Variants in TPSG1 observed in about 807,000 individuals in gnomAD.
TPSG1 encodes tryptase gamma 1, also known as tryptase gamma.
In TPSG1, 43 loss-of-function variants were observed where a neutral mutation model predicts 23.8. That is an observed-to-expected ratio of 1.81 (90% CI 1.42 to 2.33). The LOEUF (loss-of-function observed/expected upper bound fraction) is 2.33. Ranked by LOEUF, TPSG1 falls within the 30% of genes most tolerant of loss-of-function variation. The probability of loss-of-function intolerance (pLI) is 0.00; values close to 1 mark genes in which losing one functional copy is unlikely to be tolerated. For synonymous variants in TPSG1, 302 were observed against 201.3 expected (o/e 1.50, Z -4.23); for missense variants, 623 against 438.6 (o/e 1.42, Z -3.75).
rs201683502 is a variant in TPSG1 at position 1,223,585 on chromosome 16, C to T, written c.83G>A (p.Arg28Gln). Residue 28 changes from arginine to glutamine, a missense_variant, in exon 3 of 6, where the codon CGG becomes CAG. By Grantham distance (43) the Arg-to-Gln change is conservative. Coordinates refer to ENST00000234798, the MANE Select transcript of TPSG1 (RefSeq NM_012467.4). ...SLRTLQPGCG[R>Q]PQVSDAGGRI... is the part of the protein sequence containing the mutation. ...GCCGCCTGCATCCGAAACCTGCGGC[C>T]GGCCACACCCTAAGTCGAAGGAGGA... 381 of 1,541,188 alleles carry T rather than the reference C, an allele frequency of 2.5e-4. 2 individuals are homozygous for T. In the African/African-American group the frequency reaches 3.3e-3, roughly 13 times the overall value.
At chr16:1,224,941 A>G (rs923309137) in intron 1 of TPSG1, among the ~76,000 whole-genome samples, 1 of 150,526 alleles carries the variant, frequency 6.6e-6, no homozygotes, top group Non-Finnish European at 1.5e-5. Flanking sequence ...GGCACCCCCA[A>G]CTCCCACCCG....
Position 1,224,613 on chromosome 16 carries a change from G to C in TPSG1, c.62C>G (p.Thr21Ser), listed in dbSNP as rs892620792. 1.2e-6 allele frequency: 2 copies of C among 1,613,772 alleles called. No individual in the cohort carries two copies. The highest frequency in any genetic ancestry group is 2.7e-5 in the African/African-American group (2 of 74,928). Residue 21 changes from threonine (T) to serine (S), a missense_variant, in exon 2 of 6, where the codon ACT becomes AGT. Physicochemically the swap from Thr to Ser is moderately conservative, Grantham distance 58 (BLOSUM62 1). Transcript: ENST00000234798. ...LLAVPGVSLR[T>S]LQPGCGRPQV... ...TGTCAGAGACGTACCTGGCTGCAAA[G>C]TCCTGAGGGACACACCTGTGGGAAA...
At chr16:1,222,981 C>A in intron 3 of TPSG1, 64 bp from the exon 4 acceptor site, 1 of 1,499,860 alleles carries the variant, frequency 6.7e-7, no homozygotes, top group Non-Finnish European at 9.0e-7. Context: ...GTGTCGGCCC[C>A]GCCCAGACCC....
Position 1,222,812 on chromosome 16 carries a change from TGA to T in TPSG1, c.349_350del (p.Ser117ArgfsTer35), listed in dbSNP as rs761407367. The T allele has an allele frequency of 3.1e-5, 50 of 1,611,968 alleles. No homozygotes were observed. The African/African-American group carries it at 6.5e-4, about 21-fold the overall frequency. On this transcript the variant is annotated frameshift_variant, in exon 4 of 6. Transcript: ENST00000234798. LOFTEE classifies it high-confidence loss of function. The part of the protein sequence containing the change: ...VRQIILHSSP[S>X]GQPGTSGDIA... ...TGTCCCCGCTGGTCCCCGGCTGTCC[TGA>T]GGGGCTGGAGTGCAGGATGATCTGC...
chr16:1,221,681 A>C lies in TPSG1; in HGVS notation c.*107T>G, dbSNP rs949766411. The C allele has an allele frequency of 1.7e-6, 2 of 1,159,612 alleles. No individual in the cohort carries two copies. 71.8% of individuals were successfully genotyped at this position (1,159,612 alleles called of 1,614,324 possible). ...TTCGTGTGCTTTTAAATTCAGGTTA[A>C]ATGTTGCAATAATCTGATGCAGAAG... is the stretch of plus-strand genomic sequence containing the variant. On this transcript the variant is annotated 3_prime_UTR_variant, in exon 6 of 6. Transcript: ENST00000234798.
chr16:1,223,049 C>T, intron 3 of TPSG1, 132 bp from the exon 4 acceptor site: 1 of 1,213,406 alleles, frequency 8.2e-7, no homozygotes, highest in South Asian at 1.6e-5. Flanking sequence ...ACGCAGAAAG[C>T]CTGGGCAGTG....
rs1337027512 is a variant in TPSG1 at position 1,225,219 on chromosome 16, G to A, written c.34C>T (p.Leu12=). 6.3e-7 allele frequency: 1 copy of A among 1,578,702 alleles called. No individual in the cohort carries two copies. The highest frequency in any genetic ancestry group is 1.2e-5 in the South Asian group (1 of 85,990). ...ALGACGLLLL[L]AVPGVSLRTL... is the part of the protein sequence containing the mutation. Reference sequence around the variant, plus strand: ...CCAGGTCACCCACCGGGCACAGCCAGGAGCAGCAGGAGGCCACAGGCCCCA... The same window carrying A: ...CCAGGTCACCCACCGGGCACAGCCAAGAGCAGCAGGAGGCCACAGGCCCCA... The change falls in exon 1 of 6, where the codon CTG becomes TTG. Residue 12 remains leucine, a synonymous_variant. Transcript: ENST00000234798.
rs552657290 is a variant in TPSG1 at position 1,224,128 on chromosome 16, G to A, written c.73+474C>T. The A allele has an allele frequency of 6.6e-5, 13 of 196,072 alleles. No homozygotes were observed. In the East Asian group the frequency reaches 2.0e-3, roughly 31 times the overall value. 12.1% of individuals were successfully genotyped at this position (196,072 alleles called of 1,614,324 possible). ...AGAAGAAATTAAGAGGAAGTCAGCT[G>A]GAGACCCACTGGCCACACCTGGGTC... On this transcript the variant is annotated intron_variant, in intron 2 of 5. Coordinates refer to ENST00000234798, the MANE Select transcript of TPSG1 (RefSeq NM_012467.4).
intron 1 of TPSG1, 86 bp from the exon 2 acceptor site, chr16:1,224,714 G>A (rs2030053980): frequency 1.3e-6 from 2 of 1,573,734 alleles, no homozygotes; most frequent in African/African-American, 1.3e-5. Flanking sequence ...CAGGCCTCAG[G>A]GCGGCACTGG....
In TPSG1 at chr16:1,221,857, G is replaced by C. The variant is rs1970503891; in HGVS notation, c.897C>G (p.Ser299=). ...FLPGLFLLLV[S]CVLLAKCLLH... Reference sequence around the variant, plus strand: ...GCAGGCACTTGGCCAGCAGGACACAGGAGACTAGCAGAAGGAAGAGGCCGG... The same window carrying C: ...GCAGGCACTTGGCCAGCAGGACACACGAGACTAGCAGAAGGAAGAGGCCGG... The change falls in exon 6 of 6, where the codon TCC becomes TCG. Residue 299 remains serine, a synonymous_variant. Transcript: ENST00000234798. 1 of 1,612,026 alleles carries C rather than the reference G, an allele frequency of 6.2e-7. No individual in the cohort carries two copies. Among genetic ancestry groups the C allele is most frequent in the Non-Finnish European group, 8.5e-7 (1 of 1,179,572 alleles).
In TPSG1 at chr16:1,222,787, TGTCCCCGCTG is replaced by T; in HGVS notation, c.366_375del (p.Gly124ProfsTer9). 1.2e-6 allele frequency: 2 copies of T among 1,612,302 alleles called. No individual in the cohort carries two copies. Among genetic ancestry groups the T allele is most frequent in the Non-Finnish European group, 1.7e-6 (2 of 1,179,818 alleles). On this transcript the variant is annotated frameshift_variant, in exon 4 of 6. Transcript: ENST00000234798. LOFTEE classifies it high-confidence loss of function. The stretch of plus-strand genomic sequence containing the variant: ...GGGACACTGAGCTCCACCAGGGCGA[TGTCCCCGCTG>T]GTCCCCGGCTGTCCTGAGGGGCTGG...
chr16:1,223,360 C>T lies in TPSG1; in HGVS notation c.245+63G>A, dbSNP rs74409026. 3,823 of 1,494,028 alleles carry T rather than the reference C, an allele frequency of 2.6e-3. 57 individuals carry two copies. The South Asian group carries it at 0.026, about 10-fold the overall frequency. 92.5% of individuals were successfully genotyped at this position (1,494,028 alleles called of 1,614,324 possible). A position where few individuals can be genotyped will look rare whatever the true frequency, so the allele number is the denominator to read the frequency against. ...AGTCAAGACCAAGTGGAGGCCTCTG[C>T]GCTGGCGCATGCCCCACTGGGGCCT... is the stretch of plus-strand genomic sequence containing the variant. On this transcript the variant is annotated intron_variant, in intron 3 of 5. Coordinates refer to ENST00000234798, the MANE Select transcript of TPSG1 (RefSeq NM_012467.4).
rs757659415 is a variant in TPSG1, at chr16:1,222,343, T to TG, written c.512-3dup. 5.1e-6 allele frequency: 8 copies of TG among 1,575,754 alleles called. No homozygotes were observed. The Admixed American group carries it at 1.4e-4, about 28-fold the overall frequency. ...GGCTGTACGGGGGTGGCAGAGGCTCTGGGGTGGGGGGAACAGGCTTCAGAG... is the reference window on the plus strand; with the variant it reads ...GGCTGTACGGGGGTGGCAGAGGCTCTGGGGGTGGGGGGAACAGGCTTCAGAG... On this transcript the variant is annotated splice_region_variant and splice_polypyrimidine_tract_variant and intron_variant, in intron 4 of 5. Transcript: ENST00000234798.
chr16:1,222,168 A>G (rs376089009), intron 5 of TPSG1, 28 bp downstream of exon 5: 1 of 1,611,538 alleles, frequency 6.2e-7, no homozygotes, highest in Non-Finnish European at 8.5e-7. Flanking sequence ...AGCCGCCCCC[A>G]TCCTCTGTCA....
Position 1,222,050 on chromosome 16 carries a change from A to G in TPSG1, c.704T>C (p.Val235Ala). 6.2e-7 allele frequency: 1 copy of G among 1,612,700 alleles called. No individual in the cohort carries two copies. The highest frequency in any genetic ancestry group is 8.5e-7 in the Non-Finnish European group (1 of 1,179,970). Residue 235 changes from valine (V) to alanine (A), a missense_variant, in exon 6 of 6, where the codon GTG (valine) becomes GCG (alanine). Physicochemically the swap from Val to Ala is moderately conservative, Grantham distance 64. Coordinates refer to ENST00000234798, the MANE Select transcript of TPSG1 (RefSeq NM_012467.4). ...ACCCCAGCTCACAGTGCCAGCCTGC[A>G]CCCAGGCACCGTTCACCTGGCAGAC... is the stretch of plus-strand genomic sequence containing the variant. ...PLVCQVNGAW[V>A]QAGTVSWGEG...
At position 1,223,474 on chromosome 16, in the gene TPSG1, C is replaced by G. The variant is rs756095975; in HGVS notation, c.194G>C (p.Gly65Ala). Residue 65 changes from glycine (G) to alanine (A), a missense_variant, in exon 3 of 6, where the codon GGG (glycine) becomes GCG (alanine). By Grantham distance (60) the Gly-to-Ala change is moderately conservative. Coordinates refer to ENST00000234798, the MANE Select transcript of TPSG1 (RefSeq NM_012467.4). ...LRLRRVHVCGGSLLSPQWVLT... is the reference protein window; with the variant it reads ...LRLRRVHVCGASLLSPQWVLT... ...CACCCACTGGGGGCTGAGCAGTGAC[C>G]CGCCGCACACGTGCACCCTCCGCAG... The G allele has an allele frequency of 1.3e-6, 2 of 1,586,250 alleles. No homozygotes were observed. The highest frequency in any genetic ancestry group is 1.7e-6 in the Non-Finnish European group (2 of 1,168,964).
intron 5 of TPSG1, 42 bp downstream of exon 5, chr16:1,222,154 C>A (rs1422458625): frequency 6.2e-7 from 1 of 1,611,540 alleles, no homozygotes; most frequent in African/African-American, 1.3e-5. Flanking sequence ...CCTCCCTGGG[C>A]TTCAGCCGCC....
intron 3 of TPSG1, 140 bp downstream of exon 3, chr16:1,223,280 GCTC>G: frequency 8.7e-7 from 1 of 1,145,578 alleles, no homozygotes. Context: ...TGGGCAACCA[GCTC>G]CTCCCTTTCC....
intron 3 of TPSG1, 84 bp downstream of exon 3, chr16:1,223,339 A>T: frequency 7.0e-7 from 1 of 1,438,122 alleles, no homozygotes; most frequent in East Asian, 2.6e-5. Context: ...GGAGTGAGTC[A>T]AGACCAAGTG....
Sources: gnomAD v4.1 joint callset for allele counts (sites outside exome capture counted in the v4.1 genomes callset) on GRCh38, gnomAD v4.1.1 for gene constraint, MANE v1.5 for transcripts, NCBI Gene and HGNC (gene_info 2026-07-23, HGNC 2026-07-21) for gene names.